Variants in GRIN2A observed in about 807,000 individuals in gnomAD.
The protein encoded by GRIN2A is glutamate ionotropic receptor NMDA type subunit 2A, also known as glutamate receptor ionotropic, NMDA 2A.
Under a neutral mutation model 113.4 loss-of-function variants are expected in GRIN2A, and 22 were observed. That is an observed-to-expected ratio of 0.19 (90% confidence interval 0.14 to 0.28). The LOEUF is 0.28. Among genes scored for constraint, GRIN2A ranks in the 10% least tolerant of loss-of-function variants. The pLI, the probability that GRIN2A is intolerant of heterozygous loss-of-function variation, is 1.00. For synonymous variants in GRIN2A, 827 were observed against 738.4 expected (o/e 1.12, Z -1.94); for missense variants, 1,502 against 1,887.0 (o/e 0.80, Z 3.78).
chr16:9,790,361 TC>T (rs1318661212), intron 11 of GRIN2A, among the ~76,000 whole-genome samples: 1 of 152,218 alleles, frequency 6.6e-6, no homozygotes, highest in Non-Finnish European at 1.5e-5. Context: ...TCGCTGTGCA[TC>T]TTTAGGTGAG....
chr16:10,075,160 G>T (rs1567280213), intron 2 of GRIN2A, among the ~76,000 whole-genome samples: 2 of 152,048 alleles, frequency 1.3e-5, no homozygotes, highest in Non-Finnish European at 2.9e-5. Context: ...GCATGTCGGG[G>T]AATATAATGG....
intron 2 of GRIN2A, among the ~76,000 whole-genome samples, chr16:10,173,275 C>A (rs1427923017): frequency 1.3e-5 from 2 of 152,206 alleles, no homozygotes; most frequent in African/African-American, 4.8e-5. Flanking sequence ...CTGCCCTTTT[C>A]GAGAGCTCTC....
chr16:10,103,130 A>T (rs947613049), intron 2 of GRIN2A, among the ~76,000 whole-genome samples: 57 of 152,192 alleles, frequency 3.7e-4, no homozygotes, highest in African/African-American at 1.3e-3. Flanking sequence ...AACTATGAGG[A>T]ATAGATACTA....
intron 2 of GRIN2A, among the ~76,000 whole-genome samples, chr16:9,995,948 G>A (rs578231812): frequency 7.2e-6 from 1 of 138,694 alleles, no homozygotes; most frequent in South Asian, 2.5e-4. Context: ...TTGACCAAGA[G>A]TGAGCAAAGA....
At chr16:9,993,944 A>T (rs1433731444) in intron 2 of GRIN2A, among the ~76,000 whole-genome samples, 1 of 152,166 alleles carries the variant, frequency 6.6e-6, no homozygotes, top group Non-Finnish European at 1.5e-5. Flanking sequence ...CTTCTGTTGC[A>T]CCATCATGTC....
chr16:9,946,985 T>G (rs1411295423), intron 2 of GRIN2A, among the ~76,000 whole-genome samples: 1 of 152,228 alleles, frequency 6.6e-6, no homozygotes, highest in Non-Finnish European at 1.5e-5. Flanking sequence ...GCCAATTTGA[T>G]TAGCTTTTCT....
chr16:9,782,055 A>T (rs1901970904), intron 11 of GRIN2A, among the ~76,000 whole-genome samples: 1 of 152,224 alleles, frequency 6.6e-6, no homozygotes, highest in Non-Finnish European at 1.5e-5. Context: ...AGGAGATAAT[A>T]CATAAATTAA....
intron 3 of GRIN2A, among the ~76,000 whole-genome samples, chr16:9,923,289 T>G (rs1160641505): frequency 6.6e-6 from 1 of 152,196 alleles, no homozygotes; most frequent in African/African-American, 2.4e-5. Flanking sequence ...AAAATTAGTA[T>G]TAGTGTGTAC....
chr16:9,807,500 T>C (rs554251666), intron 10 of GRIN2A, among the ~76,000 whole-genome samples: 8 of 152,088 alleles, frequency 5.3e-5, no homozygotes, highest in East Asian at 1.9e-4. Context: ...ACTTTGTCTA[T>C]TGACTGCTAA....
chr16:9,789,222 C>G (rs1258123667), intron 11 of GRIN2A, among the ~76,000 whole-genome samples: 6 of 152,162 alleles, frequency 3.9e-5, no homozygotes, highest in Admixed American at 6.6e-5. Flanking sequence ...AGGCAGTAAC[C>G]GGGATTTGGG....
intron 6 of GRIN2A, 22 bp downstream of exon 6, chr16:9,840,914 A>C (rs752240218): frequency 1.2e-6 from 2 of 1,612,006 alleles, no homozygotes; most frequent in Non-Finnish European, 1.7e-6. Context: ...GTAAGAGCCT[A>C]GGGGATGAAA....
intron 2 of GRIN2A, among the ~76,000 whole-genome samples, chr16:9,974,686 T>C (rs1181606750): frequency 2.6e-5 from 4 of 152,330 alleles, no homozygotes; most frequent in African/African-American, 9.6e-5. Flanking sequence ...GAAAAGTTTC[T>C]ACATTGTATG....
At chr16:10,081,543 G>C (rs1339414436) in intron 2 of GRIN2A, among the ~76,000 whole-genome samples, 3 of 152,204 alleles carry the variant, frequency 2.0e-5, no homozygotes, top group Non-Finnish European at 4.4e-5. Flanking sequence ...GAGGCATTAA[G>C]AAAGCTAGCT....
At position 9,822,332 on chromosome 16, in the gene GRIN2A, G is replaced by A. The variant is rs2141294849; in HGVS notation, c.2100C>T (p.Tyr700=). The change falls in exon 10 of 13, where the codon TAC becomes TAT. Residue 700 remains tyrosine (Y), a synonymous_variant. Coordinates refer to ENST00000330684, the MANE Select transcript of GRIN2A (RefSeq NM_001134407.3). ...TERNIRNNYP[Y]MHQYMTKFNQ... ...TAAATTTGGTCATGTACTGATGCAT[G>A]TAGGGATAGTTATTCCGAATGTTTC... 1.2e-6 allele frequency: 2 copies of A among 1,610,590 alleles called. No homozygotes were observed. The highest frequency in any genetic ancestry group is 1.7e-6 in the Non-Finnish European group (2 of 1,176,830).
chr16:10,032,894 T>C (rs191772456), intron 2 of GRIN2A, among the ~76,000 whole-genome samples: 1 of 152,328 alleles, frequency 6.6e-6, no homozygotes, highest in African/African-American at 2.4e-5. Flanking sequence ...TTCCTTATCA[T>C]TGTCCTTAAC....
At chr16:10,036,752 A>T (rs1020665984) in intron 2 of GRIN2A, among the ~76,000 whole-genome samples, 1 of 151,290 alleles carries the variant, frequency 6.6e-6, no homozygotes, top group Non-Finnish European at 1.5e-5. Context: ...GGCCAGTATT[A>T]TTTTTTTTAA....
At chr16:9,973,951 C>T (rs957215589) in intron 2 of GRIN2A, among the ~76,000 whole-genome samples, 6 of 151,916 alleles carry the variant, frequency 3.9e-5, no homozygotes, top group African/African-American at 1.2e-4. Context: ...AAAATAATAC[C>T]AGAAGAAAAC....
intron 2 of GRIN2A, among the ~76,000 whole-genome samples, chr16:10,062,329 A>T (rs1218627482): frequency 6.6e-6 from 1 of 152,226 alleles, no homozygotes; most frequent in African/African-American, 2.4e-5. Flanking sequence ...ATAAAAATTT[A>T]TGTACAAAAA....
chr16:10,094,341 C>T (rs1006139971), intron 2 of GRIN2A, among the ~76,000 whole-genome samples: 2 of 152,144 alleles, frequency 1.3e-5, no homozygotes, highest in Non-Finnish European at 2.9e-5. Flanking sequence ...GCTGGTCATT[C>T]CCTATCTCTT....
Sources: allele counts gnomAD v4.1 joint callset (sites outside exome capture counted in the v4.1 genomes callset), GRCh38; gene constraint gnomAD v4.1.1; transcripts MANE v1.5; gene names NCBI Gene and HGNC (gene_info 2026-07-23, HGNC 2026-07-21).